The following SUGCT variants were observed in gnomAD, a reference collection of about 807,000 sequenced individuals.
The protein encoded by SUGCT is succinyl-CoA:glutarate-CoA transferase.
SUGCT carries 41 observed loss-of-function variants against 55.0 expected under a neutral mutation model. The ratio of observed to expected loss-of-function variants is 0.74; its 90% CI spans 0.58 to 0.97. The LOEUF is 0.97. Ranked by LOEUF, SUGCT falls within the 50% of genes least tolerant of loss-of-function variation. SUGCT has a pLI of 0.00. For synonymous variants in SUGCT, 187 were observed against 200.4 expected (o/e 0.93, Z 0.56); for missense variants, 568 against 547.8 (o/e 1.04, Z -0.37).
intron 12 of SUGCT, among the ~76,000 whole-genome samples, chr7:40,506,767 T>C (rs1423347571): frequency 6.6e-6 from 1 of 152,166 alleles, no homozygotes; most frequent in Non-Finnish European, 1.5e-5. Flanking sequence ...TATTAATCTA[T>C]CTTATAAGTT....
At chr7:40,924,158 A>G in the SUGCT span, among the ~76,000 whole-genome samples, 1 of 152,084 alleles carries the variant, frequency 6.6e-6, no homozygotes, top group Non-Finnish European at 1.5e-5. Flanking sequence ...TGTGAGCAAT[A>G]AATTTCTATT....
intron 6 of SUGCT, among the ~76,000 whole-genome samples, chr7:40,205,640 C>CAAAAA (rs67396482): frequency 3.8e-3 from 289 of 76,496 alleles, no homozygotes; most frequent in Non-Finnish European, 5.0e-3. Context: ...AACTTCATCT[C>CAAAAA]AAAAAAAAAA....
chr7:40,848,523 T>C (rs1261992330), intron 13 of SUGCT, among the ~76,000 whole-genome samples: 1 of 152,056 alleles, frequency 6.6e-6, no homozygotes, highest in Non-Finnish European at 1.5e-5. Context: ...ACTGGAAATT[T>C]GGTGGATAAC....
At chr7:40,276,397 G>A (rs1792481486) in intron 8 of SUGCT, among the ~76,000 whole-genome samples, 1 of 152,158 alleles carries the variant, frequency 6.6e-6, no homozygotes, top group African/African-American at 2.4e-5. Flanking sequence ...TGTAATCTGT[G>A]CAGTCATGGG....
At chr7:40,228,728 G>A (rs116293685) in intron 6 of SUGCT, among the ~76,000 whole-genome samples, 1 of 152,090 alleles carries the variant, frequency 6.6e-6, no homozygotes, top group Non-Finnish European at 1.5e-5. Flanking sequence ...TTTGTAAGGG[G>A]ACTCTTTCTC....
chr7:40,236,659 G>T (rs774468405), intron 6 of SUGCT, among the ~76,000 whole-genome samples: 2 of 152,006 alleles, frequency 1.3e-5, no homozygotes, highest in African/African-American at 2.4e-5. Context: ...ACAAAGCAAG[G>T]GTAGCAAATA....
chr7:41,015,459 C>T, the SUGCT span, among the ~76,000 whole-genome samples: 1 of 152,160 alleles, frequency 6.6e-6, no homozygotes, highest in Non-Finnish European at 1.5e-5. Flanking sequence ...CCAGGCCCTA[C>T]TCCAGACTCT....
At chr7:40,689,548 C>G (rs552438101) in intron 12 of SUGCT, among the ~76,000 whole-genome samples, 1 of 152,108 alleles carries the variant, frequency 6.6e-6, no homozygotes, top group Non-Finnish European at 1.5e-5. Context: ...TCCATAAGGA[C>G]AAAATTCTTT....
At chr7:41,035,667 A>T in the SUGCT span, among the ~76,000 whole-genome samples, 1 of 152,250 alleles carries the variant, frequency 6.6e-6, no homozygotes, top group Non-Finnish European at 1.5e-5. Context: ...TGGATTTTAA[A>T]GTTTGAAGCT....
chr7:40,897,426 G>GACACACACACACACACACAC, the SUGCT span, among the ~76,000 whole-genome samples: 3 of 148,784 alleles, frequency 2.0e-5, no homozygotes, highest in Non-Finnish European at 4.5e-5. Flanking sequence ...AATAAAGCTG[G>GACACACACACACACACACAC]ACACACACAC....
At chr7:40,193,145 T>G (rs1399842401) in intron 5 of SUGCT, among the ~76,000 whole-genome samples, 3 of 151,744 alleles carry the variant, frequency 2.0e-5, no homozygotes, top group Non-Finnish European at 4.4e-5. Context: ...TTTTAAATTT[T>G]TTGTAGAGAC....
chr7:40,845,283 G>A (rs955870938), intron 13 of SUGCT, among the ~76,000 whole-genome samples: 2 of 152,134 alleles, frequency 1.3e-5, no homozygotes, highest in Admixed American at 6.6e-5. Context: ...ATGGGAAAAG[G>A]GGAAGGTCCA....
the SUGCT span, among the ~76,000 whole-genome samples, chr7:40,898,987 A>G: frequency 4.0e-5 from 6 of 151,720 alleles, no homozygotes; most frequent in African/African-American, 1.5e-4. Context: ...GGGGCTGGGG[A>G]GGGGGGTCTA....
chr7:40,430,362 A>T (rs1197495608), intron 9 of SUGCT, among the ~76,000 whole-genome samples: 1 of 152,168 alleles, frequency 6.6e-6, no homozygotes, highest in Non-Finnish European at 1.5e-5. Context: ...TAGCTATCCC[A>T]ATGGTTGTAA....
At chr7:40,520,662 A>G (rs1793481181) in intron 12 of SUGCT, among the ~76,000 whole-genome samples, 1 of 152,098 alleles carries the variant, frequency 6.6e-6, no homozygotes, top group Non-Finnish European at 1.5e-5. Flanking sequence ...TTGACAAACC[A>G]CATTCGAGGT....
At chr7:40,278,245 A>T (rs1439397588) in intron 8 of SUGCT, among the ~76,000 whole-genome samples, 1 of 152,202 alleles carries the variant, frequency 6.6e-6, no homozygotes, top group Non-Finnish European at 1.5e-5. Context: ...CACACCAATT[A>T]GAATGGCAAT....
At chr7:40,953,647 T>G in the SUGCT span, among the ~76,000 whole-genome samples, 1 of 150,798 alleles carries the variant, frequency 6.6e-6, no homozygotes, top group Non-Finnish European at 1.5e-5. Flanking sequence ...ATGTCCTTTC[T>G]GTTTGTTAGT....
intron 12 of SUGCT, among the ~76,000 whole-genome samples, chr7:40,569,796 A>C (rs1170039909): frequency 6.6e-6 from 1 of 152,238 alleles, no homozygotes; most frequent in Non-Finnish European, 1.5e-5. Flanking sequence ...CCTGTGGTCT[A>C]TTCTGATGAT....
the SUGCT span, among the ~76,000 whole-genome samples, chr7:40,898,696 C>G: frequency 6.6e-6 from 1 of 150,376 alleles, no homozygotes; most frequent in Non-Finnish European, 1.5e-5. Context: ...GAGACTCCGT[C>G]TAAAAAAAAA....
Sources: allele counts gnomAD v4.1 joint callset (sites outside exome capture counted in the v4.1 genomes callset), GRCh38; gene constraint gnomAD v4.1.1; transcripts MANE v1.5; gene names NCBI Gene and HGNC (gene_info 2026-07-23, HGNC 2026-07-21).